The following FBF1 variants were observed in gnomAD, a reference collection of about 807,000 sequenced individuals.
FBF1 encodes Fas binding factor 1.
FBF1 carries 119 observed loss-of-function variants against 147.2 expected under a neutral mutation model. That is an observed-to-expected ratio of 0.81 (90% CI 0.70 to 0.94). The LOEUF is 0.94. Ranked by LOEUF, FBF1 falls within the 40% of genes least tolerant of loss-of-function variation. The probability of loss-of-function intolerance (pLI) is 0.00; values close to 1 mark genes in which losing one functional copy is unlikely to be tolerated. For missense variants in FBF1, 1,449 were observed against 1,500.8 expected (o/e 0.97, Z 0.57); for synonymous variants, 601 against 609.0 (o/e 0.99, Z 0.19).
In FBF1 at chr17:75,910,062, C is replaced by T; in HGVS notation, c.*661G>A. 1 of 628,862 alleles carries T rather than the reference C, an allele frequency of 1.6e-6. No homozygotes were observed. The highest frequency in any genetic ancestry group is 3.2e-5 in the East Asian group (1 of 30,964). The allele number at this position is 628,862 out of a possible 1,614,324, so 39.0% of individuals were successfully genotyped here. ...GCTCCCTCCGCCGCCGGTGGGGCAC[C>T]CAGATGGGGAGGAAGCTGAGGAGGC... On this transcript the variant is annotated 3_prime_UTR_variant, in exon 30 of 30. Coordinates refer to ENST00000636174, the MANE Select transcript of FBF1 (RefSeq NM_001319193.2). This position sits in a 1 kb window ranked among gnomAD's most constrained non-coding sequence, Gnocchi z 4.1.
Position 75,920,106 on chromosome 17 carries a change from A to G in FBF1, c.1832T>C (p.Val611Ala), listed in dbSNP as rs371393918. ...GGCCCGTTCTAGCTCCAGCTTCCGC[A>G]CCTGGGAGACAGCAGGAGGGCCAGC... is the stretch of plus-strand genomic sequence containing the variant. ...QARLAELEAQ[V>A]RKLELERAQH... Residue 611 changes from valine to alanine, a missense_variant and splice_region_variant, in exon 19 of 30, where the codon GTG becomes GCG. Val to Ala is a moderately conservative substitution (Grantham distance 64, BLOSUM62 0). Transcript: ENST00000636174. The G allele has an allele frequency of 1.7e-5, 27 of 1,582,934 alleles. No homozygotes were observed. In the African/African-American group the frequency reaches 3.2e-4, roughly 19 times the overall value.
At position 75,928,105 on chromosome 17, in the gene FBF1, C is replaced by A. The variant is rs1340558929; in HGVS notation, c.368G>T (p.Gly123Val). The A allele has an allele frequency of 6.2e-7, 1 of 1,613,654 alleles. No homozygotes were observed. Among genetic ancestry groups the A allele is most frequent in the South Asian group, 1.1e-5 (1 of 91,062 alleles). ...SKKAAKDPGK[G>V]ELPNHPKPAG... ...AGGCTTGGGGTGGTTGGGCAGCTCTCCTTTCCCAGGGTCCTTTGCAGCTTT... is the reference window on the plus strand; with the variant it reads ...AGGCTTGGGGTGGTTGGGCAGCTCTACTTTCCCAGGGTCCTTTGCAGCTTT... Residue 123 changes from glycine to valine, a missense_variant, in exon 8 of 30, where the codon GGA (glycine) becomes GTA (valine). By Grantham distance (109) the Gly-to-Val change is moderately radical. Transcript: ENST00000636174. The surrounding 1 kb of genome is among the most constrained non-coding windows in gnomAD (Gnocchi z 4.2).
chr17:75,932,979 C>A lies in FBF1; in HGVS notation c.167+16G>T. 1 of 1,572,038 alleles carries A rather than the reference C, an allele frequency of 6.4e-7. No homozygotes were observed. The highest frequency in any genetic ancestry group is 1.1e-5 in the South Asian group (1 of 87,708). On this transcript the variant is annotated intron_variant, in intron 5 of 29. Coordinates refer to ENST00000636174, the MANE Select transcript of FBF1 (RefSeq NM_001319193.2). ...CTGAAGTAGGTCATGGATACCCAGT[C>A]GGACCCTGCCCTTACTTTGTTCTCG...
Position 75,923,155 on chromosome 17 carries a change from C to A in FBF1, c.1424+31G>T. ...TCCTCAAGTCCCCAGCCAGTCCTCC[C>A]CCTACTAGCCACAGCAGCCTAAGTC... On this transcript the variant is annotated intron_variant, in intron 14 of 29. Coordinates refer to ENST00000636174, the MANE Select transcript of FBF1 (RefSeq NM_001319193.2). This position sits in a 1 kb window ranked among gnomAD's most constrained non-coding sequence, Gnocchi z 4.1. 2 of 1,521,670 alleles carry A rather than the reference C, an allele frequency of 1.3e-6. No individual in the cohort carries two copies. The highest frequency in any genetic ancestry group is 2.4e-5 in the East Asian group (1 of 41,038). 94.3% of individuals were successfully genotyped at this position (1,521,670 alleles called of 1,614,324 possible). A position where few individuals can be genotyped will look rare whatever the true frequency, so the allele number is the denominator to read the frequency against.
intron 9 of FBF1, among the ~76,000 whole-genome samples, 177 bp from the exon 10 acceptor site, chr17:75,927,054 G>A (rs9912790): frequency 0.023 from 3,567 of 152,282 alleles, 154 homozygotes; most frequent in African/African-American, 0.078. Context: ...AAGACAGGCC[G>A]GGCAAGGAGA....
intron 3 of FBF1, among the ~76,000 whole-genome samples, chr17:75,936,183 A>G (rs1373365776): frequency 2.6e-5 from 4 of 152,124 alleles, no homozygotes; most frequent in Non-Finnish European, 5.9e-5. Context: ...GTGTGGTGGC[A>G]TGTGCCTGTA....
At chr17:75,940,722 C>A (rs368029475) in intron 1 of FBF1, 126 bp downstream of exon 1, 8 of 153,838 alleles carry the variant, frequency 5.2e-5, no homozygotes, top group African/African-American at 1.9e-4. Flanking sequence ...CAGAGTAACC[C>A]CGTCCCCACA....
intron 6 of FBF1, 114 bp downstream of exon 6, chr17:75,931,115 A>G (rs2065591847): frequency 8.9e-7 from 1 of 1,119,684 alleles, no homozygotes; most frequent in Non-Finnish European, 1.3e-6. Flanking sequence ...CAAAAAGAAC[A>G]AAGTGACTTT....
At position 75,914,880 on chromosome 17, in the gene FBF1, C is replaced by T. The variant is rs1424638935; in HGVS notation, c.2681G>A (p.Arg894Gln). The T allele has an allele frequency of 4.3e-6, 7 of 1,612,190 alleles. No homozygotes were observed. The South Asian group carries it at 5.5e-5, about 13-fold the overall frequency. ...CGCCCACTCGGCAGCCAGGCGCCGC[C>T]GCTCCTCCCCGCACTTGAGCATGAC... ...KSVMLKCGEERRRLAAEWAEF... is the reference protein window; with the variant it reads ...KSVMLKCGEEQRRLAAEWAEF... Residue 894 changes from arginine (R) to glutamine (Q), a missense_variant, in exon 25 of 30, where the codon CGG becomes CAG. Transcript: ENST00000636174.
intron 17 of FBF1, 116 bp downstream of exon 17, chr17:75,921,128 G>A: frequency 9.4e-7 from 1 of 1,067,696 alleles, no homozygotes; most frequent in Non-Finnish European, 1.4e-6. Context: ...CGTCACATTT[G>A]GTATGTTTGA....
In FBF1 at chr17:75,920,431, T is replaced by C. The variant is rs776180900; in HGVS notation, c.1675-2A>G. ...GGCCAGGGACTCTGGGAGCAGGGGC[T>C]GGAGGAGAGGAAGAGAGGTGTTTCT... On this transcript the variant is annotated splice_acceptor_variant, in intron 17 of 29. Coordinates refer to ENST00000636174, the MANE Select transcript of FBF1 (RefSeq NM_001319193.2). LOFTEE classifies it high-confidence loss of function. The C allele has an allele frequency of 1.1e-5, 17 of 1,604,590 alleles. No individual in the cohort carries two copies. The highest frequency in any genetic ancestry group is 1.4e-5 in the Non-Finnish European group (16 of 1,176,042).
chr17:75,939,016 C>T (rs1415165226), intron 1 of FBF1, among the ~76,000 whole-genome samples: 1 of 152,054 alleles, frequency 6.6e-6, no homozygotes, highest in African/African-American at 2.4e-5. Flanking sequence ...TACTCTCAGG[C>T]TGGGCGCGGT....
At chr17:75,932,913 G>A in intron 5 of FBF1, 82 bp downstream of exon 5, 1 of 821,696 alleles carries the variant, frequency 1.2e-6, no homozygotes, top group Admixed American at 2.9e-5. Context: ...GAGCAAATGT[G>A]AAGTAGAAAG....
At chr17:75,927,025 G>A in intron 9 of FBF1, 148 bp from the exon 10 acceptor site, 1 of 1,140,108 alleles carries the variant, frequency 8.8e-7, no homozygotes, top group South Asian at 1.5e-5. Flanking sequence ...GGGGCCTGGG[G>A]CAACGGGGAC....
At chr17:75,932,396 A>G (rs1209643822) in intron 5 of FBF1, among the ~76,000 whole-genome samples, 1 of 152,038 alleles carries the variant, frequency 6.6e-6, no homozygotes, top group Non-Finnish European at 1.5e-5. Flanking sequence ...GAAAATAAAA[A>G]TAAATAAATA....
intron 29 of FBF1, among the ~76,000 whole-genome samples, chr17:75,911,019 G>T (rs1417697817): frequency 6.6e-6 from 1 of 152,164 alleles, no homozygotes; most frequent in Non-Finnish European, 1.5e-5. Context: ...TGTTTGCTGT[G>T]GAACTTACGA....
intron 23 of FBF1, among the ~76,000 whole-genome samples, chr17:75,915,468 G>A (rs564235294): frequency 6.6e-6 from 1 of 152,354 alleles, no homozygotes; most frequent in Admixed American, 6.5e-5. Flanking sequence ...TCACCCATCA[G>A]CCAAGCAGGC....
At chr17:75,932,974 C>T (rs1286027871) in intron 5 of FBF1, 21 bp downstream of exon 5, 1 of 1,556,948 alleles carries the variant, frequency 6.4e-7, no homozygotes, top group Non-Finnish European at 8.8e-7. Context: ...TCATGGATAC[C>T]CAGTCGGACC....
intron 5 of FBF1, 48 bp from the exon 6 acceptor site, chr17:75,931,337 T>C (rs1286816576): frequency 1.3e-6 from 2 of 1,531,392 alleles, no homozygotes; most frequent in Non-Finnish European, 8.9e-7. Context: ...GGGCACTGGA[T>C]GACTCTAAAA....
Sources: gnomAD v4.1 joint callset for allele counts (sites outside exome capture counted in the v4.1 genomes callset) on GRCh38, gnomAD v4.1.1 for gene constraint, Gnocchi (gnomAD v3.1) non-coding constraint, MANE v1.5 for transcripts, NCBI Gene and HGNC (gene_info 2026-07-23, HGNC 2026-07-21) for gene names.